GXYLT2: variants seen among roughly 807,000 people sequenced by gnomAD.
GXYLT2 encodes the protein glucoside xylosyltransferase 2, also known as glycosyltransferase 8 domain containing 4.
A neutral mutation model predicts 45.8 loss-of-function variants in GXYLT2; 53 were observed. The ratio of observed to expected loss-of-function variants is 1.16; its 90% CI spans 0.93 to 1.46. GXYLT2 has a LOEUF of 1.46. Ranked by LOEUF, GXYLT2 falls within the 40% of genes most tolerant of loss-of-function variation. The pLI is 0.00. For missense variants in GXYLT2, 551 were observed against 544.4 expected (o/e 1.01, Z -0.12); for synonymous variants, 219 against 214.2 (o/e 1.02, Z -0.19).
chr3:72,895,710 A>G (rs1575773716), intron 1 of GXYLT2, among the ~76,000 whole-genome samples: 1 of 152,222 alleles, frequency 6.6e-6, no homozygotes, highest in African/African-American at 2.4e-5. Context: ...TGTTTCCCTT[A>G]AATATTCCCC....
chr3:72,975,384 C>CTATTACTCAT lies in GXYLT2; in HGVS notation c.*227_*236dup, dbSNP rs930562915. ...TATCTCTAAGGAAAAAAAAAAAAGACTATTACTCATTTAACATTGTTTAAG... is the reference window on the plus strand; with the variant it reads ...TATCTCTAAGGAAAAAAAAAAAAGACTATTACTCATTATTACTCATTTAACATTGTTTAAG... On this transcript the variant is annotated 3_prime_UTR_variant, in exon 7 of 7. Coordinates refer to ENST00000389617, the MANE Select transcript of GXYLT2 (RefSeq NM_001080393.2). The CTATTACTCAT allele has an allele frequency of 1.1e-5, 4 of 379,312 alleles. No homozygotes were observed. Among genetic ancestry groups the CTATTACTCAT allele is most frequent in the African/African-American group, 4.3e-5 (2 of 46,118 alleles). The allele number at this position is 379,312 out of a possible 1,614,324, so 23.5% of individuals were successfully genotyped here. A position where few individuals can be genotyped will look rare whatever the true frequency, so the allele number is the denominator to read the frequency against.
At chr3:72,919,973 G>A (rs1281871355) in intron 2 of GXYLT2, among the ~76,000 whole-genome samples, 1 of 152,166 alleles carries the variant, frequency 6.6e-6, no homozygotes, top group Non-Finnish European at 1.5e-5. Context: ...TGACTTATCA[G>A]TTGTAACAAA....
At chr3:72,891,273 T>C (rs571047628) in intron 1 of GXYLT2, among the ~76,000 whole-genome samples, 2 of 152,210 alleles carry the variant, frequency 1.3e-5, no homozygotes, top group South Asian at 2.1e-4. Context: ...TGGAGTTGGA[T>C]GTGACACAGT....
intron 5 of GXYLT2, among the ~76,000 whole-genome samples, chr3:72,958,799 T>A (rs746793297): frequency 2.4e-4 from 36 of 151,572 alleles, no homozygotes; most frequent in Non-Finnish European, 4.0e-4. Flanking sequence ...GCCTGGCTGA[T>A]TTTTGTATTT....
chr3:72,911,979 G>A (rs533474592), intron 2 of GXYLT2, among the ~76,000 whole-genome samples: 33 of 122,728 alleles, frequency 2.7e-4, no homozygotes, highest in Admixed American at 8.6e-4. Flanking sequence ...GTGTGTGCAT[G>A]TGTGTGTGTG....
rs552029239 is a variant in GXYLT2, at chr3:72,948,556, G to A, written c.601-6542G>A. Among the ~76,000 whole-genome samples the A allele has an allele frequency of 2.6e-5, 4 of 152,170 alleles. 1 individual carries two copies. Among genetic ancestry groups the A allele is most frequent in the South Asian group, 4.1e-4 (2 of 4,820 alleles). The stretch of plus-strand genomic sequence containing the variant: ...AGTCACAATGGAAATTAAAAATCCC[G>A]GGCCAGGCGCAGTGGCTCACGCCTG... On this transcript the variant is annotated intron_variant, in intron 3 of 6. Coordinates refer to ENST00000389617, the MANE Select transcript of GXYLT2 (RefSeq NM_001080393.2).
At chr3:72,890,672 A>G (rs770193586) in intron 1 of GXYLT2, among the ~76,000 whole-genome samples, 5 of 152,214 alleles carry the variant, frequency 3.3e-5, no homozygotes, top group Non-Finnish European at 5.9e-5. Flanking sequence ...GGTGTCGAGA[A>G]CAGTGGCGCA....
intron 3 of GXYLT2, among the ~76,000 whole-genome samples, chr3:72,928,169 A>G (rs1185689795): frequency 1.3e-5 from 2 of 152,252 alleles, no homozygotes; most frequent in Admixed American, 6.5e-5. Flanking sequence ...AAATGGTGAC[A>G]TTAGGAGCCC....
intron 5 of GXYLT2, among the ~76,000 whole-genome samples, chr3:72,967,281 C>T (rs760767586): frequency 8.5e-5 from 13 of 152,258 alleles, no homozygotes; most frequent in South Asian, 2.1e-4. Flanking sequence ...CAGGCTGCCT[C>T]GTGCCTGTGT....
intron 6 of GXYLT2, among the ~76,000 whole-genome samples, chr3:72,972,326 A>G (rs1191218322): frequency 6.6e-6 from 1 of 152,150 alleles, no homozygotes; most frequent in African/African-American, 2.4e-5. Flanking sequence ...AGGTAATAAG[A>G]TGAACAAAGC....
intron 2 of GXYLT2, among the ~76,000 whole-genome samples, chr3:72,916,405 C>A (rs1028152014): frequency 6.6e-6 from 1 of 151,408 alleles, no homozygotes; most frequent in African/African-American, 2.4e-5. Context: ...CCAGGCTGGT[C>A]CCTAACTCCT....
At chr3:72,929,224 T>G in intron 3 of GXYLT2, 1 of 1,572,324 alleles carries the variant, frequency 6.4e-7, no homozygotes, top group Non-Finnish European at 8.6e-7. Flanking sequence ...ACCAATCTCA[T>G]GAGGAGAGGG....
chr3:72,896,759 G>A (rs1242547273), intron 1 of GXYLT2, among the ~76,000 whole-genome samples: 1 of 152,052 alleles, frequency 6.6e-6, no homozygotes, highest in East Asian at 1.9e-4. Flanking sequence ...TGAGGCAAGA[G>A]ATATTGCTTG....
At chr3:72,945,612 ATCTT>A (rs1287279526) in intron 3 of GXYLT2, among the ~76,000 whole-genome samples, 1 of 152,174 alleles carries the variant, frequency 6.6e-6, no homozygotes, top group Non-Finnish European at 1.5e-5. Flanking sequence ...CTCTGGGAAA[ATCTT>A]TCTAAGAAGG....
chr3:72,891,753 G>A (rs1709186127), intron 1 of GXYLT2, among the ~76,000 whole-genome samples: 4 of 152,206 alleles, frequency 2.6e-5, no homozygotes. Context: ...ATAAAGAAGA[G>A]GGGTAAATAA....
intron 3 of GXYLT2, among the ~76,000 whole-genome samples, chr3:72,930,199 A>G (rs1710001668): frequency 6.6e-6 from 1 of 151,608 alleles, no homozygotes; most frequent in Admixed American, 6.6e-5. Context: ...AGTTGCAGTT[A>G]TAGTTGATAA....
rs113369269 is a variant in GXYLT2 at position 72,893,849 on chromosome 3, GT to G, written c.275+5352del. Among the ~76,000 whole-genome samples, 326 of 145,846 alleles carry G rather than the reference GT, an allele frequency of 2.2e-3. 5 individuals carry two copies. Among genetic ancestry groups the G allele is most frequent in the African/African-American group, 6.6e-3 (264 of 40,100 alleles). On this transcript the variant is annotated intron_variant, in intron 1 of 6. Transcript: ENST00000389617. Reference sequence around the variant, plus strand: ...ATTTTTTATTACTTTTATTATTTGGGTTTTTTTTTTTGAGATAGTGTCTCAC... The same window carrying G: ...ATTTTTTATTACTTTTATTATTTGGGTTTTTTTTTTGAGATAGTGTCTCAC...
intron 1 of GXYLT2, among the ~76,000 whole-genome samples, chr3:72,895,630 T>C (rs141163724): frequency 8.7e-4 from 133 of 152,350 alleles, no homozygotes; most frequent in African/African-American, 3.1e-3. Flanking sequence ...GTATGTATTT[T>C]AGCACAATTT....
intron 1 of GXYLT2, among the ~76,000 whole-genome samples, chr3:72,896,136 C>T (rs1297028476): frequency 6.6e-6 from 1 of 152,190 alleles, no homozygotes; most frequent in African/African-American, 2.4e-5. Flanking sequence ...AGCTAAGTAC[C>T]CGCGTGACTT....
Sources: allele counts gnomAD v4.1 joint callset (sites outside exome capture counted in the v4.1 genomes callset), GRCh38; gene constraint gnomAD v4.1.1; transcripts MANE v1.5; gene names NCBI Gene and HGNC (gene_info 2026-07-23, HGNC 2026-07-21).